SPPL3: variants seen among roughly 807,000 people sequenced by gnomAD.
SPPL3 encodes signal peptide peptidase like 3.
SPPL3 carries 5 observed loss-of-function variants against 42.4 expected under a neutral mutation model. That is an observed-to-expected ratio of 0.12 (90% CI 0.06 to 0.25). The LOEUF (loss-of-function observed/expected upper bound fraction) is 0.25. Among genes scored for constraint, SPPL3 ranks in the 10% least tolerant of loss-of-function variants. The probability of loss-of-function intolerance (pLI) is 1.00; values close to 1 mark genes in which losing one functional copy is unlikely to be tolerated. For synonymous variants in SPPL3, 195 were observed against 181.8 expected (o/e 1.07, Z -0.58); for missense variants, 235 against 489.0 (o/e 0.48, Z 4.90).
intron 1 of SPPL3, among the ~76,000 whole-genome samples, chr12:120,831,440 GT>G (rs2035423565): frequency 6.6e-6 from 1 of 152,068 alleles, no homozygotes; most frequent in African/African-American, 2.4e-5. Context: ...CTCTTCATAA[GT>G]CCTTTAATCA....
intron 1 of SPPL3, among the ~76,000 whole-genome samples, chr12:120,874,451 G>GT (rs1873019503): frequency 2.8e-5 from 1 of 35,606 alleles, no homozygotes; most frequent in Non-Finnish European, 9.1e-5. Context: ...AGACCCTGTC[G>GT]CAAAAAAAAA....
At chr12:120,854,899 T>TA (rs1477657511) in intron 1 of SPPL3, among the ~76,000 whole-genome samples, 5 of 152,166 alleles carry the variant, frequency 3.3e-5, no homozygotes, top group African/African-American at 1.2e-4. Flanking sequence ...AAAATATTCT[T>TA]ATATTTATGA....
chr12:120,904,254 C>T lies in SPPL3; in HGVS notation c.-387G>A, dbSNP rs1377948467. ...CCGCGGGAGCGCCGCGCTCGGGCGGCGGCGGCGGCGGCCGGGGGACATGGC... is the reference window on the plus strand; with the variant it reads ...CCGCGGGAGCGCCGCGCTCGGGCGGTGGCGGCGGCGGCCGGGGGACATGGC... On this transcript the variant is annotated 5_prime_UTR_variant, in exon 1 of 11. Coordinates refer to ENST00000353487, the MANE Select transcript of SPPL3 (RefSeq NM_139015.5). The T allele has an allele frequency of 4.1e-5, 7 of 171,942 alleles. No homozygotes were observed. Among genetic ancestry groups the T allele is most frequent in the Non-Finnish European group, 8.4e-5 (7 of 83,520 alleles). 10.7% of individuals were successfully genotyped at this position (171,942 alleles called of 1,614,324 possible). A position where few individuals can be genotyped will look rare whatever the true frequency, so the allele number is the denominator to read the frequency against.
intron 1 of SPPL3, among the ~76,000 whole-genome samples, chr12:120,873,379 T>A (rs1872986705): frequency 6.6e-6 from 1 of 151,740 alleles, no homozygotes; most frequent in South Asian, 2.1e-4. Context: ...AGAAAAAAAA[T>A]TTGAAGAAAT....
At chr12:120,895,960 C>T (rs1267235482) in intron 1 of SPPL3, among the ~76,000 whole-genome samples, 1 of 152,134 alleles carries the variant, frequency 6.6e-6, no homozygotes, top group Non-Finnish European at 1.5e-5. Context: ...CAACTGAATA[C>T]TTTTTGAATA....
chr12:120,891,042 G>A (rs1873624180), intron 1 of SPPL3, among the ~76,000 whole-genome samples: 1 of 152,186 alleles, frequency 6.6e-6, no homozygotes, highest in African/African-American at 2.4e-5. Context: ...CTCTGGTTTA[G>A]CTGTCTACTT....
At chr12:120,894,873 G>A (rs986032210) in intron 1 of SPPL3, among the ~76,000 whole-genome samples, 2 of 152,138 alleles carry the variant, frequency 1.3e-5, no homozygotes, top group Admixed American at 1.3e-4. Flanking sequence ...CTTGAACCCG[G>A]GAGGTGGAGG....
intron 1 of SPPL3, among the ~76,000 whole-genome samples, chr12:120,842,242 C>T (rs1871857052): frequency 6.6e-6 from 1 of 152,148 alleles, no homozygotes; most frequent in Admixed American, 6.5e-5. Context: ...TTATAAACAT[C>T]CCCTGAAGGT....
At chr12:120,783,427 A>T (rs1215437881) in intron 5 of SPPL3, among the ~76,000 whole-genome samples, 1 of 152,192 alleles carries the variant, frequency 6.6e-6, no homozygotes, top group Non-Finnish European at 1.5e-5. Context: ...TCTTTCAATG[A>T]TCTAAGTAGG....
intron 1 of SPPL3, among the ~76,000 whole-genome samples, chr12:120,884,178 C>T (rs1393633258): frequency 1.3e-5 from 2 of 150,832 alleles, no homozygotes; most frequent in East Asian, 3.9e-4. Context: ...AAATTCACGA[C>T]AGTGGTTACA....
At chr12:120,885,948 G>A (rs1209672277) in intron 1 of SPPL3, among the ~76,000 whole-genome samples, 2 of 148,906 alleles carry the variant, frequency 1.3e-5, no homozygotes, top group Non-Finnish European at 3.0e-5. Context: ...TCCACCTCCT[G>A]GGTTCAAGCA....
At chr12:120,832,556 C>T (rs1382124883) in intron 1 of SPPL3, among the ~76,000 whole-genome samples, 1 of 151,906 alleles carries the variant, frequency 6.6e-6, no homozygotes, top group East Asian at 1.9e-4. Flanking sequence ...GCCTGTAATC[C>T]CAGCTACTCG....
Position 120,764,759 on chromosome 12 carries a change from A to G in SPPL3, c.*240T>C. 1 of 459,784 alleles carries G rather than the reference A, an allele frequency of 2.2e-6. No homozygotes were observed. Among genetic ancestry groups the G allele is most frequent in the Non-Finnish European group, 3.8e-6 (1 of 260,866 alleles). The allele number at this position is 459,784 out of a possible 1,614,324, so 28.5% of individuals were successfully genotyped here. A position where few individuals can be genotyped will look rare whatever the true frequency, so the allele number is the denominator to read the frequency against. ...AACGTGGGAGGAAGGCGCGCTGGGG[A>G]GAGGCCTGTCCCTCTTGGAAGGGGC... is the stretch of plus-strand genomic sequence containing the variant. On this transcript the variant is annotated 3_prime_UTR_variant, in exon 11 of 11. Transcript: ENST00000353487.
intron 7 of SPPL3, 43 bp from the exon 8 acceptor site, chr12:120,768,531 C>G (rs1409633681): frequency 1.3e-6 from 2 of 1,576,706 alleles, no homozygotes; most frequent in Non-Finnish European, 1.7e-6. Flanking sequence ...GAGTTGGAAG[C>G]AACCTGCTTT....
At chr12:120,805,709 T>C (rs1018033843) in intron 2 of SPPL3, among the ~76,000 whole-genome samples, 1 of 152,132 alleles carries the variant, frequency 6.6e-6, no homozygotes, top group African/African-American at 2.4e-5. Context: ...TGTAGTTCTA[T>C]ATACTTAGCA....
At chr12:120,894,748 C>A (rs898469832) in intron 1 of SPPL3, among the ~76,000 whole-genome samples, 4 of 151,384 alleles carry the variant, frequency 2.6e-5, no homozygotes, top group African/African-American at 9.7e-5. Context: ...GAGTTCAAGA[C>A]CAGCCTGAGC....
intron 1 of SPPL3, among the ~76,000 whole-genome samples, chr12:120,867,580 G>A (rs12809958): frequency 3.9e-5 from 6 of 151,920 alleles, no homozygotes; most frequent in African/African-American, 1.2e-4. Context: ...CAGAGGAATC[G>A]CTTGAACCCG....
At chr12:120,882,548 G>A (rs1873323326) in intron 1 of SPPL3, among the ~76,000 whole-genome samples, 1 of 152,068 alleles carries the variant, frequency 6.6e-6, no homozygotes, top group South Asian at 2.1e-4. Context: ...AGGGCAACTG[G>A]AAGATCAGGA....
chr12:120,811,302 C>G (rs1223900554), intron 1 of SPPL3: 4 of 154,080 alleles, frequency 2.6e-5, no homozygotes, highest in African/African-American at 9.6e-5. Context: ...TGAGGTAAAG[C>G]CTGCATCTCC....
Sources: gnomAD v4.1 joint callset for allele counts (sites outside exome capture counted in the v4.1 genomes callset) on GRCh38, gnomAD v4.1.1 for gene constraint, MANE v1.5 for transcripts, NCBI Gene and HGNC (gene_info 2026-07-23, HGNC 2026-07-21) for gene names.